The following ASIC2 variants were observed in gnomAD, a reference collection of about 807,000 sequenced individuals.
ASIC2 encodes the protein acid-sensing ion channel 2.
Under a neutral mutation model 57.3 loss-of-function variants are expected in ASIC2, and 25 were observed. That is an observed-to-expected ratio of 0.44 (90% CI 0.32 to 0.61). The LOEUF is 0.61. Among genes scored for constraint, ASIC2 ranks in the 20% least tolerant of loss-of-function variants. The pLI, the probability that ASIC2 is intolerant of heterozygous loss-of-function variation, is 0.06. For missense variants in ASIC2, 641 were observed against 738.1 expected (o/e 0.87, Z 1.52); for synonymous variants, 319 against 307.5 (o/e 1.04, Z -0.39).
intron 1 of ASIC2, among the ~76,000 whole-genome samples, chr17:33,993,913 G>A (rs1401620168): frequency 2.0e-5 from 3 of 152,138 alleles, no homozygotes; most frequent in Non-Finnish European, 1.5e-5. Context: ...CTTGGCATGT[G>A]TCTGCCTTCC....
intron 1 of ASIC2, among the ~76,000 whole-genome samples, chr17:34,087,174 G>A (rs1910141970): frequency 6.6e-6 from 1 of 151,942 alleles, no homozygotes; most frequent in Non-Finnish European, 1.5e-5. Flanking sequence ...GCAGTGGCTG[G>A]TACCGGTTGT....
intron 1 of ASIC2, among the ~76,000 whole-genome samples, chr17:33,970,704 G>C (rs1373135236): frequency 6.6e-6 from 1 of 152,228 alleles, no homozygotes; most frequent in African/African-American, 2.4e-5. Context: ...AGCACTCATT[G>C]AGGCTATGCA....
intron 1 of ASIC2, among the ~76,000 whole-genome samples, chr17:33,852,632 T>C (rs1397945892): frequency 6.6e-6 from 1 of 151,750 alleles, no homozygotes; most frequent in South Asian, 2.1e-4. Context: ...GAGTCAGCAT[T>C]TGAGCTGAGG....
At chr17:33,086,217 G>GA (rs2092133344) in intron 3 of ASIC2, among the ~76,000 whole-genome samples, 1 of 152,164 alleles carries the variant, frequency 6.6e-6, no homozygotes, top group Admixed American at 6.5e-5. Flanking sequence ...TCAGGCTGAT[G>GA]AAAAATAGCA....
At chr17:33,631,711 T>A (rs1023679596) in intron 1 of ASIC2, among the ~76,000 whole-genome samples, 2 of 150,958 alleles carry the variant, frequency 1.3e-5, no homozygotes, top group Admixed American at 1.3e-4. Context: ...GAAGGGGGAG[T>A]CAAAGTCTGA....
chr17:34,143,344 T>C (rs761923653), intron 1 of ASIC2, among the ~76,000 whole-genome samples: 22 of 152,316 alleles, frequency 1.4e-4, no homozygotes, highest in Non-Finnish European at 2.8e-4. Flanking sequence ...TATGTCCCCA[T>C]AAAAACTCAT....
At chr17:33,103,536 C>A (rs1256859379) in intron 2 of ASIC2, among the ~76,000 whole-genome samples, 1 of 152,138 alleles carries the variant, frequency 6.6e-6, no homozygotes, top group Non-Finnish European at 1.5e-5. Context: ...TCTTTGGTGG[C>A]TCATTCAGGG....
At chr17:33,905,049 T>A (rs990314383) in intron 1 of ASIC2, among the ~76,000 whole-genome samples, 1 of 152,102 alleles carries the variant, frequency 6.6e-6, no homozygotes. Context: ...TATTCCATCA[T>A]TGGTCACAAA....
At chr17:33,426,798 T>C (rs1308209682) in intron 1 of ASIC2, among the ~76,000 whole-genome samples, 6 of 152,120 alleles carry the variant, frequency 3.9e-5, no homozygotes, top group Admixed American at 2.0e-4. Flanking sequence ...CTAGTGGAAA[T>C]AAGCAAGTAA....
intron 1 of ASIC2, among the ~76,000 whole-genome samples, chr17:34,097,270 A>G (rs1173173894): frequency 6.6e-6 from 1 of 152,194 alleles, no homozygotes. Flanking sequence ...TACGTTCTTA[A>G]AAAGACACCT....
intron 1 of ASIC2, among the ~76,000 whole-genome samples, chr17:33,322,898 A>T (rs1567822766): frequency 6.6e-6 from 1 of 152,212 alleles, no homozygotes; most frequent in Non-Finnish European, 1.5e-5. Flanking sequence ...ATGTGTGTAC[A>T]GTGCTCTTTT....
At chr17:33,251,932 C>T (rs1908898568) in intron 1 of ASIC2, among the ~76,000 whole-genome samples, 1 of 152,188 alleles carries the variant, frequency 6.6e-6, no homozygotes, top group African/African-American at 2.4e-5. Context: ...CTTGGTTTAG[C>T]TCCAGCTTTC....
chr17:34,030,570 G>C (rs991639443), intron 1 of ASIC2, among the ~76,000 whole-genome samples: 2 of 152,210 alleles, frequency 1.3e-5, no homozygotes, highest in Admixed American at 6.5e-5. Flanking sequence ...CGCCTCACCT[G>C]GGAAGCTCAA....
chr17:34,133,037 A>G (rs954144283), intron 1 of ASIC2, among the ~76,000 whole-genome samples: 2 of 152,192 alleles, frequency 1.3e-5, no homozygotes, highest in African/African-American at 4.8e-5. Context: ...CTGAGATGAT[A>G]TATGTAAAGG....
At chr17:33,447,892 G>A (rs1469926350) in intron 1 of ASIC2, among the ~76,000 whole-genome samples, 16 of 120,942 alleles carry the variant, frequency 1.3e-4, no homozygotes, top group Admixed American at 9.8e-5. Flanking sequence ...TAGCCTGGGC[G>A]ACAGAGCAAG....
intron 1 of ASIC2, among the ~76,000 whole-genome samples, chr17:33,234,835 A>T: frequency 6.6e-6 from 1 of 152,198 alleles, no homozygotes; most frequent in Non-Finnish European, 1.5e-5. Flanking sequence ...CCACCTCCCA[A>T]TGCCATCACA....
intron 1 of ASIC2, among the ~76,000 whole-genome samples, chr17:33,591,247 G>A (rs993522659): frequency 2.6e-5 from 4 of 152,168 alleles, no homozygotes; most frequent in Non-Finnish European, 5.9e-5. Context: ...GTCTGACATG[G>A]TATATGATAA....
At chr17:33,117,164 T>C (rs2092284440) in intron 1 of ASIC2, among the ~76,000 whole-genome samples, 1 of 151,660 alleles carries the variant, frequency 6.6e-6, no homozygotes, top group African/African-American at 2.4e-5. Flanking sequence ...TCATTCCTCA[T>C]TCTTCTTCCT....
chr17:34,101,038 T>C (rs948171442), intron 1 of ASIC2, among the ~76,000 whole-genome samples: 1 of 152,222 alleles, frequency 6.6e-6, no homozygotes, highest in Non-Finnish European at 1.5e-5. Flanking sequence ...TAGGATAAAA[T>C]GAGTTAATTC....
Sources: allele counts gnomAD v4.1 joint callset (sites outside exome capture counted in the v4.1 genomes callset), GRCh38; gene constraint gnomAD v4.1.1; transcripts MANE v1.5; gene names NCBI Gene and HGNC (gene_info 2026-07-23, HGNC 2026-07-21).